CCDC102B: variants seen among roughly 807,000 people sequenced by gnomAD.
CCDC102B encodes coiled-coil domain-containing protein 102B.
Under a neutral mutation model 57.4 loss-of-function variants are expected in CCDC102B, and 75 were observed. The observed-to-expected ratio is 1.31, with a 90% CI of 1.08 to 1.58. The LOEUF (loss-of-function observed/expected upper bound fraction) is 1.58, where lower values mean the gene tolerates loss of function less well. CCDC102B is among the 40% of genes most tolerant of loss of function. The pLI is 0.00. For missense variants in CCDC102B, 636 were observed against 582.6 expected, an observed-to-expected ratio of 1.09 and a Z score of -0.94; for synonymous variants, 206 against 201.9, an observed-to-expected ratio of 1.02 and a Z score of -0.17.
At chr18:68,887,165 A>G (rs763145736) in intron 5 of CCDC102B, among the ~76,000 whole-genome samples, 43 of 152,144 alleles carry the variant, frequency 2.8e-4, no homozygotes, top group Non-Finnish European at 5.3e-4. Flanking sequence ...ATTTGACACT[A>G]TAACTGCTGG....
At chr18:69,027,399 C>T (rs186389370) in intron 7 of CCDC102B, among the ~76,000 whole-genome samples, 1 of 151,570 alleles carries the variant, frequency 6.6e-6, no homozygotes, top group East Asian at 1.9e-4. Context: ...ATAAGGTAAG[C>T]ATATATATAT....
At chr18:69,037,890 G>T (rs2052337131) in intron 7 of CCDC102B, among the ~76,000 whole-genome samples, 1 of 151,910 alleles carries the variant, frequency 6.6e-6, no homozygotes, top group Non-Finnish European at 1.5e-5. Context: ...ACCCCACCTA[G>T]GTCTTTGAGG....
intron 2 of CCDC102B, among the ~76,000 whole-genome samples, chr18:68,774,890 G>A (rs2034758152): frequency 6.6e-6 from 1 of 151,120 alleles, no homozygotes; most frequent in Non-Finnish European, 1.5e-5. Context: ...AACATAATCA[G>A]TACCACTTAT....
At chr18:69,036,215 CATGATAGAAATTACTATTTTCTAATA>C (rs570972279) in intron 7 of CCDC102B, among the ~76,000 whole-genome samples, 147 of 152,162 alleles carry the variant, frequency 9.7e-4, no homozygotes, top group Non-Finnish European at 1.8e-3. Context: ...TTTTATTTTT[CATGATAGAAATTACTATTTTCTAATA>C]ACTGTAATAT....
intron 4 of CCDC102B, among the ~76,000 whole-genome samples, chr18:68,871,735 G>A (rs1211443604): frequency 6.6e-6 from 1 of 152,110 alleles, no homozygotes; most frequent in Non-Finnish European, 1.5e-5. Context: ...TAGGAGATGA[G>A]GGCTGAGGAG....
chr18:68,748,004 A>G (rs950158480), intron 2 of CCDC102B, among the ~76,000 whole-genome samples: 3 of 152,110 alleles, frequency 2.0e-5, no homozygotes, highest in African/African-American at 4.8e-5. Flanking sequence ...GGGTTCCATT[A>G]TCTCTATATG....
At chr18:69,040,418 GT>G (rs1568143746) in intron 7 of CCDC102B, among the ~76,000 whole-genome samples, 151 of 9,448 alleles carry the variant, frequency 0.016, 1 homozygote, top group Middle Eastern at 0.045. Flanking sequence ...GTGTGTGTGT[GT>G]ATGTGTGTGT....
At position 68,900,579 on chromosome 18, in the gene CCDC102B, G is replaced by T. The variant is rs530913776; in HGVS notation, c.1263+3151G>T. The stretch of plus-strand genomic sequence containing the variant: ...ATCAAGATAGCTAAAACATTTAAGT[G>T]TATTAAAAATTATAGTGGCATCGAA... On this transcript the variant is annotated intron_variant, in intron 6 of 7. Transcript: ENST00000360242. 2.6e-5 allele frequency among the ~76,000 whole-genome samples: 4 copies of T among 152,136 alleles called. No individual in the cohort carries two copies. The East Asian group carries it at 7.7e-4, about 29-fold the overall frequency.
rs1337427142 is a variant in CCDC102B, at chr18:68,884,157, C to T, written c.1053+9372C>T. Among the ~76,000 whole-genome samples the T allele has an allele frequency of 2.0e-5, 3 of 152,204 alleles. No individual in the cohort carries two copies. In the East Asian group the frequency reaches 5.8e-4, roughly 29 times the overall value. The stretch of plus-strand genomic sequence containing the variant: ...ACAATCATGTGACCCAGCAATTCCT[C>T]CTCTGCGAATATACATAAAGGAATG... On this transcript the variant is annotated intron_variant, in intron 5 of 7. Coordinates refer to ENST00000360242, the MANE Select transcript of CCDC102B (RefSeq NM_024781.3).
chr18:68,848,239 T>C (rs2037964538), intron 4 of CCDC102B, among the ~76,000 whole-genome samples: 1 of 151,958 alleles, frequency 6.6e-6, no homozygotes, highest in African/African-American at 2.4e-5. Context: ...TGTGTCATGA[T>C]TCATTCTTTA....
intron 4 of CCDC102B, among the ~76,000 whole-genome samples, chr18:68,867,672 C>T (rs531813128): frequency 9.5e-4 from 145 of 152,226 alleles, no homozygotes; most frequent in African/African-American, 2.2e-3. Context: ...CAGTGGCTCA[C>T]GCCTGTAATC....
intron 7 of CCDC102B, among the ~76,000 whole-genome samples, chr18:69,051,387 G>A (rs1354461668): frequency 6.6e-6 from 1 of 151,898 alleles, no homozygotes; most frequent in Non-Finnish European, 1.5e-5. Context: ...AGACTTTAAG[G>A]ATGACCTAAG....
At chr18:68,947,376 C>A (rs954988028) in intron 6 of CCDC102B, among the ~76,000 whole-genome samples, 4 of 152,026 alleles carry the variant, frequency 2.6e-5, no homozygotes, top group Non-Finnish European at 5.9e-5. Context: ...CCAGTACTTA[C>A]ATATATGGCC....
rs550359211 is a variant in CCDC102B at position 69,049,705 on chromosome 18, C to G, written c.1435-4325C>G. Among the ~76,000 whole-genome samples, 19 of 152,002 alleles carry G rather than the reference C, an allele frequency of 1.2e-4. No homozygotes were observed. In the South Asian group the frequency reaches 3.9e-3, roughly 31 times the overall value. ...ACCTAGAAAAACACAATTAATAGTA[C>G]TCAAGTAAGATACTTTTTGTTGTGG... On this transcript the variant is annotated intron_variant, in intron 7 of 7. Coordinates refer to ENST00000360242, the MANE Select transcript of CCDC102B (RefSeq NM_024781.3).
chr18:68,932,750 C>G (rs909709463), intron 6 of CCDC102B, among the ~76,000 whole-genome samples: 1 of 151,920 alleles, frequency 6.6e-6, no homozygotes, highest in Non-Finnish European at 1.5e-5. Context: ...TTGAAACATA[C>G]AGATCATTAA....
intron 5 of CCDC102B, among the ~76,000 whole-genome samples, chr18:68,888,466 A>G (rs1226527829): frequency 6.6e-6 from 1 of 152,218 alleles, no homozygotes; most frequent in East Asian, 1.9e-4. Flanking sequence ...AGTCTAGACC[A>G]GGATTTTCTC....
chr18:68,911,040 G>A (rs7240854), intron 6 of CCDC102B, among the ~76,000 whole-genome samples: 60,051 of 151,904 alleles, frequency 0.4, 12,594 homozygotes, highest in African/African-American at 0.5. Flanking sequence ...TTCCTCAAAG[G>A]CTGAAAAACA....
chr18:68,852,356 G>A (rs1940862776), intron 4 of CCDC102B, among the ~76,000 whole-genome samples: 1 of 152,066 alleles, frequency 6.6e-6, no homozygotes, highest in South Asian at 2.1e-4. Context: ...GGTATCTGTG[G>A]GGGATTGTTT....
At chr18:68,959,488 G>A (rs780628420) in intron 6 of CCDC102B, among the ~76,000 whole-genome samples, 3 of 152,002 alleles carry the variant, frequency 2.0e-5, no homozygotes, top group Admixed American at 6.6e-5. Context: ...TCCAAGGCCC[G>A]CAGTGACCAC....
Sources: gnomAD v4.1 joint callset for allele counts (sites outside exome capture counted in the v4.1 genomes callset) on GRCh38, gnomAD v4.1.1 for gene constraint, MANE v1.5 for transcripts, NCBI Gene and HGNC (gene_info 2026-07-23, HGNC 2026-07-21) for gene names.